The following FLG2 variants were observed in gnomAD, a reference collection of about 807,000 sequenced individuals.
FLG2 encodes filaggrin-2.
A neutral mutation model predicts 3.9 loss-of-function variants in FLG2; 7 were observed. That is an observed-to-expected ratio of 1.79 (90% CI 1.02 to 3.36). The LOEUF (loss-of-function observed/expected upper bound fraction) is 3.36. Ranked by LOEUF, FLG2 falls within the 30% of genes most tolerant of loss-of-function variation. The probability of loss-of-function intolerance (pLI) is 0.00; values close to 1 mark genes in which losing one functional copy is unlikely to be tolerated. For synonymous variants in FLG2, 1,031 were observed against 1,056.1 expected, an observed-to-expected ratio of 0.98 and a Z score of 0.46; for missense variants, 2,700 against 2,809.4, an observed-to-expected ratio of 0.96 and a Z score of 0.88.
At position 152,357,464 on chromosome 1, in the gene FLG2, G is replaced by A. The variant is rs1486862883; in HGVS notation, c.322C>T (p.His108Tyr). 5 of 1,613,956 alleles carry A rather than the reference G, an allele frequency of 3.1e-6. No homozygotes were observed. The highest frequency in any genetic ancestry group is 2.7e-5 in the African/African-American group (2 of 74,882). Reference protein sequence around the residue: ...GSKKHRRGHRHQEEESETEED... With the variant: ...GSKKHRRGHRYQEEESETEED... The stretch of plus-strand genomic sequence containing the variant: ...TCTGTTTCACTTTCTTCTTCTTGGT[G>A]TCGGTGACCACGCCTATGCTTCTTT... Residue 108 changes from histidine (H) to tyrosine (Y), a missense_variant, in exon 3 of 3, where the codon CAC (histidine) becomes TAC (tyrosine). Transcript: ENST00000388718.
Position 152,351,421 on chromosome 1 carries a change from G to A in FLG2, c.6365C>T (p.Ser2122Leu). 1 of 1,613,392 alleles carries A rather than the reference G, an allele frequency of 6.2e-7. No homozygotes were observed. Among genetic ancestry groups the A allele is most frequent in the Non-Finnish European group, 8.5e-7 (1 of 1,179,818 alleles). Residue 2122 changes from serine (S) to leucine (L), a missense_variant, in exon 3 of 3, where the codon TCA (serine) becomes TTA (leucine). Coordinates refer to ENST00000388718, the MANE Select transcript of FLG2 (RefSeq NM_001014342.3). ...TCTGGCTTGGCCATAAGTGTGTCCT[G>A]AATGTGTGTGTGAGACCCCTGAGTG... Reference protein sequence around the residue: ...EVHSGVSHTHSGHTYGQARSQ... With the variant: ...EVHSGVSHTHLGHTYGQARSQ...
In FLG2 at chr1:152,356,263, T is replaced by C. The variant is rs1178809759; in HGVS notation, c.1523A>G (p.His508Arg). 5.6e-6 allele frequency: 9 copies of C among 1,613,712 alleles called. No homozygotes were observed. Among genetic ancestry groups the C allele is most frequent in the Non-Finnish European group, 7.6e-6 (9 of 1,179,948 alleles). The change falls in exon 3 of 3, where the codon CAT (histidine) becomes CGT (arginine). Residue 508 changes from histidine to arginine, a missense_variant. Transcript: ENST00000388718. ...GSGQSSGFGQ[H>R]GSVSGQSSGF... ...AGAGGATTGTCCTGAGACAGACCCA[T>C]GCTGTCCAAAGCCAGAGGACTGACC...
rs1369780673 is a variant in FLG2, at chr1:152,350,472, TATA to T, written c.*135_*137del. ...GTCCATGACTAGATTCCTGACTTCT[TATA>T]ATAATAGGTCGAGACTGATACTGAG... On this transcript the variant is annotated 3_prime_UTR_variant, in exon 3 of 3. Transcript: ENST00000388718. The T allele has an allele frequency of 8.7e-7, 1 of 1,147,814 alleles. No homozygotes were observed. Among genetic ancestry groups the T allele is most frequent in the East Asian group, 2.6e-5 (1 of 39,068 alleles). The allele number at this position is 1,147,814 out of a possible 1,614,324, so 71.1% of individuals were successfully genotyped here. A position where few individuals can be genotyped will look rare whatever the true frequency, so the allele number is the denominator to read the frequency against.
chr1:152,355,896 G>C lies in FLG2; in HGVS notation c.1890C>G (p.Gly630=). The change falls in exon 3 of 3, where the codon GGC becomes GGG. Residue 630 remains glycine (G), a synonymous_variant. Transcript: ENST00000388718. ...TCTGTCTAGACCCATGTTGGCCATAGCCAGATGACTGACTTGAGCCAGAAC... is the reference window on the plus strand; with the variant it reads ...TCTGTCTAGACCCATGTTGGCCATACCCAGATGACTGACTTGAGCCAGAAC... The part of the protein sequence containing the change: ...QHSSGSSQSS[G]YGQHGSRQTS... 1 of 1,611,676 alleles carries C rather than the reference G, an allele frequency of 6.2e-7. No individual in the cohort carries two copies. Among genetic ancestry groups the C allele is most frequent in the Non-Finnish European group, 8.5e-7 (1 of 1,179,738 alleles).
rs772602376 is a variant in FLG2 at position 152,356,760 on chromosome 1, C to T, written c.1026G>A (p.Glu342=). 2.5e-6 allele frequency: 4 copies of T among 1,614,070 alleles called. No homozygotes were observed. The highest frequency in any genetic ancestry group is 2.5e-6 in the Non-Finnish European group (3 of 1,180,046). The change falls in exon 3 of 3, where the codon GAG becomes GAA. Residue 342 remains glutamate, a synonymous_variant. Transcript: ENST00000388718. ...GGQPSGCGQP[E]SNPCSQSYSQ... ...TATAGGACTGACTACAGGGGTTAGACTCAGGTTGACCACATCCAGAGGGCT... is the reference window on the plus strand; with the variant it reads ...TATAGGACTGACTACAGGGGTTAGATTCAGGTTGACCACATCCAGAGGGCT...
Position 152,349,116 on chromosome 1 carries a change from G to T in FLG2, c.*1494C>A, listed in dbSNP as rs1433292948. Reference sequence around the variant, plus strand: ...TATAGTTCTGAATATAGCCCCAAATGGTGTTTATCTTTTTCTTCCATTCAC... The same window carrying T: ...TATAGTTCTGAATATAGCCCCAAATTGTGTTTATCTTTTTCTTCCATTCAC... On this transcript the variant is annotated 3_prime_UTR_variant, in exon 3 of 3. Transcript: ENST00000388718. 6.6e-6 allele frequency: 1 copy of T among 151,640 alleles called. No individual in the cohort carries two copies. Among genetic ancestry groups the T allele is most frequent in the East Asian group, 1.9e-4 (1 of 5,172 alleles). 9.4% of individuals were successfully genotyped at this position (151,640 alleles called of 1,614,324 possible).
Position 152,353,917 on chromosome 1 carries a change from T to A in FLG2, c.3869A>T (p.Glu1290Val), listed in dbSNP as rs1345314204. Reference protein sequence around the residue: ...VHSKVSHRHSEHIHTQAGSHY... With the variant: ...VHSKVSHRHSVHIHTQAGSHY... ...AGATCCAGCTTGTGTGTGAATGTGT[T>A]CTGAATGTCTGTGTGAGACCTTTGA... Residue 1290 changes from glutamate (E) to valine (V), a missense_variant, in exon 3 of 3, where the codon GAA becomes GTA. Coordinates refer to ENST00000388718, the MANE Select transcript of FLG2 (RefSeq NM_001014342.3). 1 of 1,613,712 alleles carries A rather than the reference T, an allele frequency of 6.2e-7. No homozygotes were observed. The highest frequency in any genetic ancestry group is 1.7e-5 in the Admixed American group (1 of 60,004).
Position 152,351,566 on chromosome 1 carries a change from C to T in FLG2, c.6220G>A (p.Gly2074Arg), listed in dbSNP as rs772719616. The change falls in exon 3 of 3, where the codon GGA becomes AGA. Residue 2074 changes from glycine (G) to arginine (R), a missense_variant. Physicochemically the swap from Gly to Arg is moderately radical, Grantham distance 125. Coordinates refer to ENST00000388718, the MANE Select transcript of FLG2 (RefSeq NM_001014342.3). Reference sequence around the variant, plus strand: ...TGTCTAGTGGTATCTCCTGTCTGTCCATGAGTAGTTCCGTGTCTCTCATGA... The same window carrying T: ...TGTCTAGTGGTATCTCCTGTCTGTCTATGAGTAGTTCCGTGTCTCTCATGA... ...SVHERHGTTHGQTGDTTRHAH... is the reference protein window; with the variant it reads ...SVHERHGTTHRQTGDTTRHAH... 3 of 1,612,324 alleles carry T rather than the reference C, an allele frequency of 1.9e-6. No homozygotes were observed. The highest frequency in any genetic ancestry group is 1.1e-5 in the South Asian group (1 of 90,988).
In FLG2 at chr1:152,356,075, C is replaced by A; in HGVS notation, c.1711G>T (p.Gly571Trp). 6.2e-7 allele frequency: 1 copy of A among 1,613,894 alleles called. No homozygotes were observed. Among genetic ancestry groups the A allele is most frequent in the Non-Finnish European group, 8.5e-7 (1 of 1,180,020 alleles). ...SRETSGFGQH[G>W]LGSGQSTGFG... ...CCAGTGGATTGACCTGAGCCCAACC[C>A]ATGTTGTCCAAAGCCAGATGTCTCT... The change falls in exon 3 of 3, where the codon GGG (glycine) becomes TGG (tryptophan). Residue 571 changes from glycine to tryptophan, a missense_variant. Transcript: ENST00000388718.
chr1:152,354,225 G>A lies in FLG2; in HGVS notation c.3561C>T (p.Asp1187=). ...TSFGQHVSGS[D]NFSSSGQHIS... ...TATGTTGTCCAGAACTAGAGAAATTGTCTGAGCCAGACACATGCTGTCCAA... is the reference window on the plus strand; with the variant it reads ...TATGTTGTCCAGAACTAGAGAAATTATCTGAGCCAGACACATGCTGTCCAA... Residue 1187 remains aspartate, a synonymous_variant, in exon 3 of 3, where the codon GAC becomes GAT. Coordinates refer to ENST00000388718, the MANE Select transcript of FLG2 (RefSeq NM_001014342.3). The A allele has an allele frequency of 6.2e-7, 1 of 1,614,000 alleles. No individual in the cohort carries two copies. Among genetic ancestry groups the A allele is most frequent in the Non-Finnish European group, 8.5e-7 (1 of 1,179,950 alleles).
chr1:152,354,993 C>T lies in FLG2; in HGVS notation c.2793G>A (p.Gln931=), dbSNP rs76514540. ...SYGQHGSGSS[Q]SSGYGQHGSS... is the part of the protein sequence containing the mutation. ...ACCCATGTTGACCATAGCCAGATGACTGACTTGAGCCAGAACCATGTTGGC... is the reference window on the plus strand; with the variant it reads ...ACCCATGTTGACCATAGCCAGATGATTGACTTGAGCCAGAACCATGTTGGC... The change falls in exon 3 of 3, where the codon CAG becomes CAA. Residue 931 remains glutamine (Q), a synonymous_variant. Coordinates refer to ENST00000388718, the MANE Select transcript of FLG2 (RefSeq NM_001014342.3). The T allele has an allele frequency of 0.14, 202,206 of 1,496,840 alleles. 14,891 individuals carry two copies. The highest frequency in any genetic ancestry group is 0.32 in the East Asian group (10,116 of 31,394). The allele number at this position is 1,496,840 out of a possible 1,614,324, so 92.7% of individuals were successfully genotyped here. A position where few individuals can be genotyped will look rare whatever the true frequency, so the allele number is the denominator to read the frequency against.
rs137866169 is a variant in FLG2, at chr1:152,356,363, T to A, written c.1423A>T (p.Lys475Ter). Residue 475 changes from lysine to a stop codon, truncating the protein, a stop_gained, in exon 3 of 3, where the codon AAG becomes TAG. Transcript: ENST00000388718. LOFTEE classifies it low-confidence loss of function (END_TRUNC). Reference sequence around the variant, plus strand: ...CCATGTTGTCCAAAGCCAGATGTCTTACCTGAGCTAGACCCATGCTGGTCA... The same window carrying A: ...CCATGTTGTCCAAAGCCAGATGTCTAACCTGAGCTAGACCCATGCTGGTCA... The part of the protein sequence containing the change: ...GYDQHGSSSG[K>*]TSGFGQHGSG... 78 of 1,613,884 alleles carry A rather than the reference T, an allele frequency of 4.8e-5. No homozygotes were observed. Among genetic ancestry groups the A allele is most frequent in the Non-Finnish European group, 5.7e-5 (67 of 1,180,010 alleles).
At position 152,357,003 on chromosome 1, in the gene FLG2, T is replaced by C. The variant is rs775884386; in HGVS notation, c.783A>G (p.Gln261=). The change falls in exon 3 of 3, where the codon CAA becomes CAG. Residue 261 remains glutamine (Q), a synonymous_variant. Transcript: ENST00000388718. ...AACCTGAACAGCTAGACCCAAGCTT[T>C]TGTTCTCTAATTCTTGACTGAGTAG... ...SNSTQSRIRE[Q]KLGSSCSGSG... is the part of the protein sequence containing the mutation. The C allele has an allele frequency of 3.7e-6, 6 of 1,614,196 alleles. No individual in the cohort carries two copies. The highest frequency in any genetic ancestry group is 5.1e-6 in the Non-Finnish European group (6 of 1,180,040).
chr1:152,354,279 A>T lies in FLG2; in HGVS notation c.3507T>A (p.His1169Gln). Reference sequence around the variant, plus strand: ...TTGTGGTTGGACCTGAGCCAGACTCATGTTGGCCACAGCCAGATGATTGAC... The same window carrying T: ...TTGTGGTTGGACCTGAGCCAGACTCTTGTTGGCCACAGCCAGATGATTGAC... ...GSSQSSGCGQ[H>Q]ESGSGPTTSF... is the part of the protein sequence containing the mutation. Residue 1169 changes from histidine to glutamine, a missense_variant, in exon 3 of 3, where the codon CAT becomes CAA. By Grantham distance (24) the His-to-Gln change is conservative (BLOSUM62 0). Transcript: ENST00000388718. 1.2e-6 allele frequency: 2 copies of T among 1,614,174 alleles called. No individual in the cohort carries two copies. The highest frequency in any genetic ancestry group is 1.7e-6 in the Non-Finnish European group (2 of 1,180,002).
Position 152,358,742 on chromosome 1 carries a change from C to T in FLG2, c.138+5G>A. 1.2e-6 allele frequency: 2 copies of T among 1,612,076 alleles called. No homozygotes were observed. The highest frequency in any genetic ancestry group is 1.7e-6 in the Non-Finnish European group (2 of 1,179,220). ...CAGCCTTCAGTTCTGGCACATGGCT[C>T]TCACCTTCAGAACTGGATGAAGCTC... On this transcript the variant is annotated splice_donor_5th_base_variant and intron_variant, in intron 2 of 2. Coordinates refer to ENST00000388718, the MANE Select transcript of FLG2 (RefSeq NM_001014342.3).
At chr1:152,357,677 C>G (rs1249515192) in intron 2 of FLG2, 30 bp from the exon 3 acceptor site, 1 of 1,526,402 alleles carries the variant, frequency 6.6e-7, no homozygotes. Flanking sequence ...CAAGGGAGAC[C>G]TGGTCAGCCT....
chr1:152,355,815 T>C lies in FLG2; in HGVS notation c.1971A>G (p.Gln657=), dbSNP rs149736928. ...SGSSQSTGFG[Q]YGSGSGQSSG... is the part of the protein sequence containing the mutation. ...AGGACTGACCTGAGCCTGATCCATA[T>C]TGGCCAAAGCCAGTGGATTGACTTG... is the stretch of plus-strand genomic sequence containing the variant. The change falls in exon 3 of 3, where the codon CAA becomes CAG. Residue 657 remains glutamine, a synonymous_variant. Transcript: ENST00000388718. 2.8e-5 allele frequency: 45 copies of C among 1,612,888 alleles called. No individual in the cohort carries two copies. In the Middle Eastern group the frequency reaches 4.9e-4, roughly 18 times the overall value.
rs1237492995 is a variant in FLG2, at chr1:152,350,245, T to A, written c.*365A>T. 4.4e-6 allele frequency: 1 copy of A among 228,440 alleles called. No individual in the cohort carries two copies. The highest frequency in any genetic ancestry group is 2.3e-5 in the African/African-American group (1 of 44,026). 14.2% of individuals were successfully genotyped at this position (228,440 alleles called of 1,614,324 possible). On this transcript the variant is annotated 3_prime_UTR_variant, in exon 3 of 3. Transcript: ENST00000388718. ...CTCATGAGTGTCTTTCTCCCAATCTTCTGAATGCTTTTTGTTATCAGTATG... is the reference window on the plus strand; with the variant it reads ...CTCATGAGTGTCTTTCTCCCAATCTACTGAATGCTTTTTGTTATCAGTATG...
rs183803110 is a variant in FLG2 at position 152,351,192 on chromosome 1, T to A, written c.6594A>T (p.Gly2198=). The change falls in exon 3 of 3, where the codon GGA becomes GGT. Residue 2198 remains glycine, a synonymous_variant. Coordinates refer to ENST00000388718, the MANE Select transcript of FLG2 (RefSeq NM_001014342.3). The part of the protein sequence containing the change: ...VHSEASPTHS[G]HTHSQAGSRH... ...GAGATCCGGCTTGGCTGTGAGTGTG[T>A]CCTGAATGTGTGGGTGAGGCCTCTG... 211 of 1,613,720 alleles carry A rather than the reference T, an allele frequency of 1.3e-4. 1 individual carries two copies. In the East Asian group the frequency reaches 4.2e-3, roughly 32 times the overall value.
Sources: gnomAD v4.1 joint callset for allele counts on GRCh38, gnomAD v4.1.1 for gene constraint, MANE v1.5 for transcripts, NCBI Gene and HGNC (gene_info 2026-07-23, HGNC 2026-07-21) for gene names.